Variants in TMTC1 observed in about 807,000 individuals in gnomAD.
TMTC1 encodes transmembrane O-mannosyltransferase targeting cadherins 1.
In TMTC1, 73 loss-of-function variants were observed where a neutral mutation model predicts 104.8. The ratio of observed to expected loss-of-function variants is 0.70; its 90% CI spans 0.58 to 0.85. The LOEUF is 0.85. Among genes scored for constraint, TMTC1 ranks in the 40% least tolerant of loss-of-function variants. The pLI, the probability that TMTC1 is intolerant of heterozygous loss-of-function variation, is 0.00. For synonymous variants in TMTC1, 434 were observed against 428.7 expected (o/e 1.01, Z -0.15); for missense variants, 1,035 against 1,096.1 (o/e 0.94, Z 0.79).
At position 29,529,877 on chromosome 12, in the gene TMTC1, C is replaced by T. The variant is rs553264181; in HGVS notation, c.1785+6332G>A. On this transcript the variant is annotated intron_variant, in intron 11 of 17. Coordinates refer to ENST00000539277, the MANE Select transcript of TMTC1 (RefSeq NM_001193451.2). ...TTCTCATCTACCAGCAGAATGTGAT[C>T]AACACTACTCTGACAATTTACACAA... The T allele has an allele frequency of 3.9e-5, 6 of 152,240 alleles. No individual in the cohort carries two copies. The South Asian group carries it at 1.2e-3, about 32-fold the overall frequency. The allele number at this position is 152,240 out of a possible 1,614,324, so 9.4% of individuals were successfully genotyped here.
chr12:29,784,116 G>A (rs1392367113), upstream of TMTC1, among the ~76,000 whole-genome samples: 1 of 151,942 alleles, frequency 6.6e-6, no homozygotes, highest in Non-Finnish European at 1.5e-5. Context: ...GGTTCGCGGC[G>A]CGCGGCTGCC....
intron 5 of TMTC1, among the ~76,000 whole-genome samples, chr12:29,691,841 A>G (rs1437218030): frequency 1.4e-5 from 2 of 144,912 alleles, no homozygotes; most frequent in African/African-American, 5.1e-5. Context: ...ATTCGGGATT[A>G]TTTAGTCAAC....
chr12:29,599,956 G>A lies in TMTC1; in HGVS notation c.1250+4222C>T, dbSNP rs184580693. Among the ~76,000 whole-genome samples the A allele has an allele frequency of 7.7e-3, 1,050 of 136,162 alleles. 33 individuals carry two copies. The highest frequency in any genetic ancestry group is 0.031 in the African/African-American group (992 of 31,684). 89.3% of individuals were successfully genotyped at this position (136,162 alleles called of 152,430 possible). On this transcript the variant is annotated intron_variant, in intron 7 of 17. Coordinates refer to ENST00000539277, the MANE Select transcript of TMTC1 (RefSeq NM_001193451.2). ...TATATATATGTGTGTGTATATATAT[G>A]TGTATATATATATGTGTGTGTGTGT...
intron 6 of TMTC1, among the ~76,000 whole-genome samples, chr12:29,627,065 C>A (rs758349151): frequency 1.7e-4 from 26 of 152,104 alleles, no homozygotes; most frequent in Non-Finnish European, 2.6e-4. Flanking sequence ...TGCGCCATTG[C>A]ACTCCAGCCT....
intron 5 of TMTC1, among the ~76,000 whole-genome samples, chr12:29,702,829 C>A (rs186525701): frequency 2.6e-5 from 4 of 151,984 alleles, no homozygotes; most frequent in African/African-American, 9.7e-5. Context: ...CTAAGGACTG[C>A]GATATTTTCT....
At chr12:29,638,257 T>A (rs1565728686) in intron 5 of TMTC1, among the ~76,000 whole-genome samples, 1 of 151,970 alleles carries the variant, frequency 6.6e-6, no homozygotes. Context: ...CAGATACAAG[T>A]GGCTGGACAT....
chr12:29,597,513 A>C (rs1269453610), intron 7 of TMTC1, among the ~76,000 whole-genome samples: 1 of 151,516 alleles, frequency 6.6e-6, no homozygotes, highest in Non-Finnish European at 1.5e-5. Flanking sequence ...AGCCTGTCCC[A>C]TGGCAGATGG....
At chr12:29,607,446 T>A (rs140115179) in intron 6 of TMTC1, among the ~76,000 whole-genome samples, 17 of 152,200 alleles carry the variant, frequency 1.1e-4, no homozygotes, top group African/African-American at 3.4e-4. Context: ...GGAGGTGACA[T>A]CTGGGCTTGA....
At chr12:29,762,505 TTAGA>T (rs1375090320) in intron 2 of TMTC1, among the ~76,000 whole-genome samples, 1 of 152,248 alleles carries the variant, frequency 6.6e-6, no homozygotes, top group Non-Finnish European at 1.5e-5. Context: ...GTGAACTTTA[TTAGA>T]TAATCTAATG....
chr12:29,713,964 C>T (rs1174594334), intron 5 of TMTC1, among the ~76,000 whole-genome samples: 1 of 152,126 alleles, frequency 6.6e-6, no homozygotes, highest in African/African-American at 2.4e-5. Flanking sequence ...CGGGTTCTCT[C>T]TCTCTCCTGC....
rs539556502 is a variant in TMTC1 at position 29,560,897 on chromosome 12, G to A, written c.1533-3897C>T. Among the ~76,000 whole-genome samples, 10 of 152,068 alleles carry A rather than the reference G, an allele frequency of 6.6e-5. No individual in the cohort carries two copies. In the South Asian group the frequency reaches 1.5e-3, roughly 22 times the overall value. On this transcript the variant is annotated intron_variant, in intron 9 of 17. Transcript: ENST00000539277. ...CTTGTCTAAGCAAAAAATAGAAGGCGGGAACAAAAGAAAATGAGTTCCAGA... is the reference window on the plus strand; with the variant it reads ...CTTGTCTAAGCAAAAAATAGAAGGCAGGAACAAAAGAAAATGAGTTCCAGA...
chr12:29,596,246 G>A (rs1296443454), intron 7 of TMTC1, among the ~76,000 whole-genome samples: 2 of 152,206 alleles, frequency 1.3e-5, no homozygotes, highest in African/African-American at 4.8e-5. Flanking sequence ...ACCTCAAGTG[G>A]TCCACCCCCC....
intron 7 of TMTC1, among the ~76,000 whole-genome samples, chr12:29,590,930 T>C (rs919048001): frequency 1.1e-4 from 16 of 152,362 alleles, no homozygotes; most frequent in African/African-American, 3.8e-4. Context: ...CTCCCTGCTT[T>C]ATTAATTTTG....
chr12:29,555,876 T>C (rs762627756), intron 10 of TMTC1, among the ~76,000 whole-genome samples: 7 of 152,178 alleles, frequency 4.6e-5, no homozygotes, highest in Non-Finnish European at 1.0e-4. Flanking sequence ...TATTTCTGGT[T>C]CCAGATCCTT....
At chr12:29,742,556 A>T (rs1282403461) in intron 5 of TMTC1, among the ~76,000 whole-genome samples, 3 of 152,214 alleles carry the variant, frequency 2.0e-5, no homozygotes, top group African/African-American at 4.8e-5. Context: ...CTATAAGGTC[A>T]TCTATCTAAA....
chr12:29,659,883 G>C, intron 5 of TMTC1: 3 of 1,533,146 alleles, frequency 2.0e-6, no homozygotes, highest in Non-Finnish European at 2.6e-6. Flanking sequence ...TACTAACCTC[G>C]TAAGAATGTA....
chr12:29,562,212 T>A (rs916224177), intron 9 of TMTC1, among the ~76,000 whole-genome samples: 1 of 152,210 alleles, frequency 6.6e-6, no homozygotes, highest in Non-Finnish European at 1.5e-5. Context: ...ACTTTCATCT[T>A]GCACCGTACT....
At chr12:29,677,006 C>T (rs1940751808) in intron 5 of TMTC1, among the ~76,000 whole-genome samples, 1 of 152,194 alleles carries the variant, frequency 6.6e-6, no homozygotes, top group Admixed American at 6.5e-5. Flanking sequence ...AGACAAGGTC[C>T]AAGTCTGGTC....
intron 9 of TMTC1, among the ~76,000 whole-genome samples, chr12:29,561,731 C>T (rs1026208013): frequency 3.9e-5 from 6 of 152,030 alleles, no homozygotes; most frequent in Non-Finnish European, 7.4e-5. Context: ...ATCTGAGTGC[C>T]GTATATGGCA....
Sources: gnomAD v4.1 joint callset for allele counts (sites outside exome capture counted in the v4.1 genomes callset) on GRCh38, gnomAD v4.1.1 for gene constraint, MANE v1.5 for transcripts, NCBI Gene and HGNC (gene_info 2026-07-23, HGNC 2026-07-21) for gene names.